Variants in TENM3 observed in about 807,000 individuals in gnomAD.
The protein encoded by TENM3 is teneurin-3.
TENM3 carries 63 observed loss-of-function variants against 255.1 expected under a neutral mutation model. The ratio of observed to expected loss-of-function variants is 0.25; its 90% CI spans 0.20 to 0.30. TENM3 has a LOEUF of 0.30. Ranked by LOEUF, TENM3 falls within the 10% of genes least tolerant of loss-of-function variation. The probability of loss-of-function intolerance (pLI) is 1.00; values close to 1 mark genes in which losing one functional copy is unlikely to be tolerated. For missense variants in TENM3, 2,929 were observed against 3,461.1 expected (o/e 0.85, Z 3.86); for synonymous variants, 1,306 against 1,322.3 (o/e 0.99, Z 0.27).
At chr4:181,879,277 A>G in the TENM3 span, among the ~76,000 whole-genome samples, 1 of 152,088 alleles carries the variant, frequency 6.6e-6, no homozygotes, top group Non-Finnish European at 1.5e-5. Context: ...AAAGAAAGAA[A>G]GTTGGGGGAG....
chr4:182,385,622 A>G (rs1767867965), intron 3 of TENM3, among the ~76,000 whole-genome samples: 1 of 151,874 alleles, frequency 6.6e-6, no homozygotes, highest in East Asian at 1.9e-4. Context: ...AATCCATTGC[A>G]ATATTTGATA....
intron 3 of TENM3, among the ~76,000 whole-genome samples, chr4:182,409,915 C>T (rs1192925470): frequency 1.3e-5 from 2 of 151,096 alleles, no homozygotes; most frequent in Non-Finnish European, 2.9e-5. Flanking sequence ...CCTCGTCTTT[C>T]TGGGCTCAGG....
chr4:182,464,503 C>T (rs1156988543), intron 3 of TENM3, among the ~76,000 whole-genome samples: 1 of 152,134 alleles, frequency 6.6e-6, no homozygotes, highest in Non-Finnish European at 1.5e-5. Context: ...GTGATCCGCC[C>T]ATCTCTGCCT....
the TENM3 span, among the ~76,000 whole-genome samples, chr4:181,554,019 CT>C: frequency 6.6e-6 from 1 of 151,992 alleles, no homozygotes. Flanking sequence ...CTTTTTTCCC[CT>C]GTCTTCCCTC....
chr4:182,621,717 A>G (rs9685249), intron 4 of TENM3, among the ~76,000 whole-genome samples: 93,496 of 101,310 alleles, frequency 0.92, 43,485 homozygotes, highest in South Asian at 0.97. Flanking sequence ...TATATAATAT[A>G]TATTATATAT....
chr4:181,746,566 AT>A, the TENM3 span, among the ~76,000 whole-genome samples: 4 of 151,518 alleles, frequency 2.6e-5, no homozygotes, highest in African/African-American at 7.3e-5. Context: ...AAATTGAAAA[AT>A]TTTTTTTCTT....
the TENM3 span, among the ~76,000 whole-genome samples, chr4:181,581,394 T>G: frequency 6.6e-6 from 1 of 152,088 alleles, no homozygotes. Flanking sequence ...TGAGCCGAGA[T>G]AGTGCCACTG....
intron 3 of TENM3, among the ~76,000 whole-genome samples, chr4:182,544,429 C>G (rs558352165): frequency 2.1e-5 from 3 of 140,018 alleles, no homozygotes; most frequent in African/African-American, 7.9e-5. Flanking sequence ...CTCCCGGGTT[C>G]AAGCGACTCT....
chr4:182,669,587 A>C (rs1755033886), intron 6 of TENM3, among the ~76,000 whole-genome samples: 1 of 152,086 alleles, frequency 6.6e-6, no homozygotes, highest in African/African-American at 2.4e-5. Flanking sequence ...TCAGTTTTTT[A>C]AGTTTTATCA....
At chr4:182,289,497 A>G (rs1479231833) in intron 1 of TENM3, among the ~76,000 whole-genome samples, 1 of 152,198 alleles carries the variant, frequency 6.6e-6, no homozygotes, top group Non-Finnish European at 1.5e-5. Context: ...TCCTGTACAC[A>G]TGCCCCAACG....
At chr4:182,353,967 A>G (rs532345392) in intron 3 of TENM3, among the ~76,000 whole-genome samples, 2 of 109,262 alleles carry the variant, frequency 1.8e-5, no homozygotes, top group South Asian at 5.7e-4. Context: ...CTCCAGCTGG[A>G]AAAAAAAAAA....
intron 1 of TENM3, among the ~76,000 whole-genome samples, chr4:182,259,946 A>G (rs1758674679): frequency 6.6e-6 from 1 of 150,780 alleles, no homozygotes; most frequent in Non-Finnish European, 1.5e-5. Context: ...TTCTGGTGAG[A>G]TCTGCTTTTT....
chr4:182,148,998 A>G (rs1201186986), intron 1 of TENM3, among the ~76,000 whole-genome samples: 1 of 152,002 alleles, frequency 6.6e-6, no homozygotes. Flanking sequence ...ATCCATATAT[A>G]TCAACGTATA....
At chr4:181,582,277 A>G in the TENM3 span, among the ~76,000 whole-genome samples, 2 of 152,256 alleles carry the variant, frequency 1.3e-5, no homozygotes, top group Middle Eastern at 3.4e-3. Context: ...GCATTGAGAA[A>G]AAGAAAAAGG....
chr4:182,072,967 T>C, the TENM3 span, among the ~76,000 whole-genome samples: 4 of 152,162 alleles, frequency 2.6e-5, no homozygotes, highest in African/African-American at 9.7e-5. Context: ...AGGACTGGTG[T>C]TCTTGTAGGT....
At chr4:182,235,758 C>T (rs1756860213) in intron 1 of TENM3, among the ~76,000 whole-genome samples, 1 of 152,164 alleles carries the variant, frequency 6.6e-6, no homozygotes, top group Non-Finnish European at 1.5e-5. Flanking sequence ...CAATGAGATA[C>T]AAAAACCCTG....
chr4:182,428,045 A>G (rs896150568), intron 3 of TENM3, among the ~76,000 whole-genome samples: 1 of 152,000 alleles, frequency 6.6e-6, no homozygotes, highest in Admixed American at 6.6e-5. Context: ...CATCTAATGT[A>G]TTTGCTATAA....
intron 1 of TENM3, among the ~76,000 whole-genome samples, chr4:182,298,488 A>G (rs1156479383): frequency 6.6e-6 from 1 of 152,198 alleles, no homozygotes; most frequent in Non-Finnish European, 1.5e-5. Flanking sequence ...AGCAGAAAGG[A>G]AACTTTCAGT....
intron 3 of TENM3, among the ~76,000 whole-genome samples, chr4:182,419,958 G>A (rs1346640202): frequency 1.3e-5 from 2 of 151,976 alleles, no homozygotes. Context: ...CATGGCACAT[G>A]TATACATATG....
Sources: allele counts gnomAD v4.1 joint callset (sites outside exome capture counted in the v4.1 genomes callset), GRCh38; gene constraint gnomAD v4.1.1; transcripts MANE v1.5; gene names NCBI Gene and HGNC (gene_info 2026-07-23, HGNC 2026-07-21).